The following SMC6 variants were observed in gnomAD, a reference collection of about 807,000 sequenced individuals.
SMC6 encodes the protein structural maintenance of chromosomes 6, also known as structural maintenance of chromosomes protein 6.
Under a neutral mutation model 142.2 loss-of-function variants are expected in SMC6, and 79 were observed. The ratio of observed to expected loss-of-function variants is 0.56; its 90% CI spans 0.46 to 0.67. The LOEUF is 0.67. Among genes scored for constraint, SMC6 ranks in the 30% least tolerant of loss-of-function variants. SMC6 has a pLI of 0.00. For synonymous variants in SMC6, 411 were observed against 412.4 expected (o/e 1.00, Z 0.04); for missense variants, 1,072 against 1,284.0 (o/e 0.83, Z 2.52).
In SMC6 at chr2:17,707,396, A is replaced by T. The variant is rs758781297; in HGVS notation, c.1846-17T>A. ...AGAATTATTCTAAAAGAATAGAAGA[A>T]AATAAATTTTTTAAGACGATGTGAA... On this transcript the variant is annotated splice_polypyrimidine_tract_variant and intron_variant, in intron 17 of 27. Coordinates refer to ENST00000448223, the MANE Select transcript of SMC6 (RefSeq NM_001142286.2). The T allele has an allele frequency of 1.4e-6, 2 of 1,420,758 alleles. No individual in the cohort carries two copies. The highest frequency in any genetic ancestry group is 5.5e-5 in the Admixed American group (2 of 36,340). The allele number at this position is 1,420,758 out of a possible 1,614,324, so 88.0% of individuals were successfully genotyped here.
intron 23 of SMC6, among the ~76,000 whole-genome samples, chr2:17,694,662 T>C (rs1187166016): frequency 1.3e-5 from 2 of 152,200 alleles, no homozygotes; most frequent in African/African-American, 4.8e-5. Flanking sequence ...TTTGCCAAAG[T>C]CACATAAATA....
intron 23 of SMC6, among the ~76,000 whole-genome samples, chr2:17,691,603 A>G (rs893363045): frequency 2.0e-5 from 3 of 152,000 alleles, no homozygotes; most frequent in Non-Finnish European, 4.4e-5. Context: ...CCCACAGCCA[A>G]TATCATACTG....
At chr2:17,721,760 A>C (rs1669384684) in intron 9 of SMC6, among the ~76,000 whole-genome samples, 1 of 151,656 alleles carries the variant, frequency 6.6e-6, no homozygotes. Flanking sequence ...CAGTGGCACA[A>C]TCTCGGCTCA....
At chr2:17,712,688 C>T (rs947615410) in intron 16 of SMC6, among the ~76,000 whole-genome samples, 2 of 152,170 alleles carry the variant, frequency 1.3e-5, no homozygotes, top group African/African-American at 4.8e-5. Flanking sequence ...TAATATTTTA[C>T]TATTATTTTC....
intron 3 of SMC6, among the ~76,000 whole-genome samples, chr2:17,744,075 A>G (rs546773150): frequency 6.6e-6 from 1 of 152,138 alleles, no homozygotes; most frequent in East Asian, 1.9e-4. Context: ...TAAGTTTTCA[A>G]CTCCTTTGGG....
chr2:17,708,837 A>ATAT (rs1558351548), intron 16 of SMC6, 84 bp from the exon 17 acceptor site: 27 of 307,900 alleles, frequency 8.8e-5, no homozygotes, highest in African/African-American at 6.5e-4. Flanking sequence ...TATATATATA[A>ATAT]GAGTATATAT....
chr2:17,727,481 T>G (rs1318858995), intron 7 of SMC6, among the ~76,000 whole-genome samples: 4 of 148,586 alleles, frequency 2.7e-5, no homozygotes, highest in African/African-American at 1.0e-4. Context: ...TGTGATCATG[T>G]GAGTTAATAT....
At position 17,716,147 on chromosome 2, in the gene SMC6, A is replaced by C; in HGVS notation, c.1464T>G (p.Leu488=). The C allele has an allele frequency of 6.2e-7, 1 of 1,611,138 alleles. No individual in the cohort carries two copies. The highest frequency in any genetic ancestry group is 8.5e-7 in the Non-Finnish European group (1 of 1,179,326). Residue 488 remains leucine (L), a synonymous_variant, in exon 15 of 28, where the codon CTT becomes CTG. Transcript: ENST00000448223. ...GTCTATAAGCATCATCTATGGCTTCAAGAAGAGCTGGAACATTAGGGCCAA... is the reference window on the plus strand; with the variant it reads ...GTCTATAAGCATCATCTATGGCTTCCAGAAGAGCTGGAACATTAGGGCCAA... ...KRFGPNVPAL[L]EAIDDAYRQG... is the part of the protein sequence containing the mutation.
intron 16 of SMC6, among the ~76,000 whole-genome samples, chr2:17,712,755 C>T (rs1341689505): frequency 1.3e-5 from 2 of 152,198 alleles, no homozygotes; most frequent in East Asian, 1.9e-4. Context: ...TAATTCATAC[C>T]GAAAAATTTC....
chr2:17,741,994 G>C (rs1396441403), intron 3 of SMC6, among the ~76,000 whole-genome samples: 2 of 152,106 alleles, frequency 1.3e-5, no homozygotes, highest in East Asian at 3.9e-4. Flanking sequence ...ATAATTTTTT[G>C]TTAGTGGAGG....
At chr2:17,696,548 T>C in intron 21 of SMC6, 122 bp from the exon 22 acceptor site, 1 of 929,352 alleles carries the variant, frequency 1.1e-6, no homozygotes, top group Admixed American at 2.8e-5. Flanking sequence ...AGTGTTATTA[T>C]ATCCATATGT....
At chr2:17,745,168 C>T (rs1670679664) in intron 3 of SMC6, among the ~76,000 whole-genome samples, 1 of 152,236 alleles carries the variant, frequency 6.6e-6, no homozygotes, top group African/African-American at 2.4e-5. Flanking sequence ...ACTGGTTTTA[C>T]AGTTTGCTTT....
chr2:17,725,437 T>C, intron 8 of SMC6, 79 bp from the exon 9 acceptor site: 2 of 993,156 alleles, frequency 2.0e-6, no homozygotes, highest in South Asian at 3.6e-5. Flanking sequence ...AAGAAAAATT[T>C]AGTTTCTGAA....
At position 17,664,864 on chromosome 2, in the gene SMC6, G is replaced by A. The variant is rs1407301492; in HGVS notation, c.*635C>T. 5 of 152,268 alleles carry A rather than the reference G, an allele frequency of 3.3e-5. No homozygotes were observed. Among genetic ancestry groups the A allele is most frequent in the African/African-American group, 1.2e-4 (5 of 41,426 alleles). 9.4% of individuals were successfully genotyped at this position (152,268 alleles called of 1,614,324 possible). On this transcript the variant is annotated 3_prime_UTR_variant, in exon 28 of 28. Coordinates refer to ENST00000448223, the MANE Select transcript of SMC6 (RefSeq NM_001142286.2). ...ACAGTCCCTGGACTGCAAACTGAGG[G>A]CTTTTAAATCAGGCAAGCATGATGG...
At chr2:17,749,837 AGAG>A (rs1413226875) in intron 2 of SMC6, among the ~76,000 whole-genome samples, 1 of 152,236 alleles carries the variant, frequency 6.6e-6, no homozygotes, top group African/African-American at 2.4e-5. Flanking sequence ...TTAGGAACTA[AGAG>A]TAGTGACACA....
intron 5 of SMC6, among the ~76,000 whole-genome samples, chr2:17,734,165 G>T (rs989344216): frequency 1.3e-5 from 2 of 152,140 alleles, no homozygotes; most frequent in African/African-American, 2.4e-5. Context: ...AGCCAGAGAT[G>T]CAATTAAAAG....
intron 2 of SMC6, among the ~76,000 whole-genome samples, chr2:17,751,467 CAAAAAAA>C (rs11309389): frequency 1.1e-5 from 1 of 89,112 alleles, no homozygotes; most frequent in Non-Finnish European, 2.5e-5. Context: ...CTGTCTCAAA[CAAAAAAA>C]AAAAAAAAAG....
intron 23 of SMC6, among the ~76,000 whole-genome samples, chr2:17,690,572 G>C (rs1667656119): frequency 6.6e-6 from 1 of 151,908 alleles, no homozygotes; most frequent in African/African-American, 2.4e-5. Flanking sequence ...CCAGCCTGCA[G>C]AGGAAGACTC....
intron 15 of SMC6, 44 bp from the exon 16 acceptor site, chr2:17,715,109 T>C (rs1669017302): frequency 6.4e-7 from 1 of 1,563,306 alleles, no homozygotes; most frequent in African/African-American, 1.4e-5. Flanking sequence ...AAATACTTAT[T>C]TTGAAATATT....
Sources: gnomAD v4.1 joint callset for allele counts (sites outside exome capture counted in the v4.1 genomes callset) on GRCh38, gnomAD v4.1.1 for gene constraint, MANE v1.5 for transcripts, NCBI Gene and HGNC (gene_info 2026-07-23, HGNC 2026-07-21) for gene names.